Variants in GABPB1 observed in about 807,000 individuals in gnomAD.
GABPB1 encodes the protein GA binding protein transcription factor subunit beta 1, also known as GA-binding protein subunit beta-1.
Under a neutral mutation model 45.9 loss-of-function variants are expected in GABPB1, and 15 were observed. The ratio of observed to expected loss-of-function variants is 0.33; its 90% CI spans 0.22 to 0.50. GABPB1 has a LOEUF of 0.50. GABPB1 is among the 20% of genes least tolerant of loss of function. The pLI, the probability that GABPB1 is intolerant of heterozygous loss-of-function variation, is 0.98. For missense variants in GABPB1, 252 were observed against 457.5 expected, an observed-to-expected ratio of 0.55 and a Z score of 4.10; for synonymous variants, 143 against 154.4, an observed-to-expected ratio of 0.93 and a Z score of 0.55.
At chr15:50,316,084 C>T (rs1274656546) in intron 1 of GABPB1, among the ~76,000 whole-genome samples, 1 of 152,146 alleles carries the variant, frequency 6.6e-6, no homozygotes, top group African/African-American at 2.4e-5. Context: ...AATCCTCAGA[C>T]ATAAAGTGCT....
intron 1 of GABPB1, among the ~76,000 whole-genome samples, chr15:50,314,952 A>AT (rs2047264588): frequency 6.6e-6 from 1 of 152,184 alleles, no homozygotes; most frequent in Non-Finnish European, 1.5e-5. Flanking sequence ...ATTCACAGTG[A>AT]TTTTATGTGC....
intron 1 of GABPB1, among the ~76,000 whole-genome samples, chr15:50,324,305 C>T (rs1020212330): frequency 7.9e-5 from 12 of 152,092 alleles, no homozygotes; most frequent in Non-Finnish European, 1.3e-4. Flanking sequence ...CCACTGTTAA[C>T]GACCTGCATT....
chr15:50,314,191 A>AT (rs34621347), intron 1 of GABPB1, among the ~76,000 whole-genome samples: 28,411 of 148,412 alleles, frequency 0.19, 2,958 homozygotes, highest in Middle Eastern at 0.25. Context: ...TTATTTATTT[A>AT]TTTATTTTTT....
chr15:50,305,583 T>G (rs1189349532), intron 2 of GABPB1, among the ~76,000 whole-genome samples: 2 of 152,290 alleles, frequency 1.3e-5, no homozygotes, highest in East Asian at 3.9e-4. Flanking sequence ...AATCCTTTCT[T>G]TCTCCATGCT....
chr15:50,342,939 C>T (rs1478499948), intron 1 of GABPB1, among the ~76,000 whole-genome samples: 4 of 151,276 alleles, frequency 2.6e-5, no homozygotes, highest in African/African-American at 9.7e-5. Context: ...CTCGCTCTGT[C>T]GCCCAGGCTG....
intron 1 of GABPB1, among the ~76,000 whole-genome samples, chr15:50,315,359 T>TG (rs1191861331): frequency 6.6e-6 from 1 of 152,214 alleles, no homozygotes; most frequent in African/African-American, 2.4e-5. Context: ...CTTGAACTCC[T>TG]GTGCTCAAGC....
chr15:50,287,629 C>G (rs560682006), intron 7 of GABPB1, among the ~76,000 whole-genome samples: 6 of 152,314 alleles, frequency 3.9e-5, no homozygotes, highest in East Asian at 1.9e-4. Flanking sequence ...TGCCCAACAC[C>G]TTGATCTCGC....
Position 50,300,807 on chromosome 15 carries a change from T to G in GABPB1, c.679A>C (p.Asn227His), listed in dbSNP as rs759032843. Reference sequence around the variant, plus strand: ...TTCTAACCTGGAGTTTCTGAAGAATTGGACAATGGAGCAGATGCTTCAGCT... The same window carrying G: ...TTCTAACCTGGAGTTTCTGAAGAATGGGACAATGGAGCAGATGCTTCAGCT... ...ALAEASAPLS[N>H]SSETPVVATE... The change falls in exon 6 of 9, where the codon AAT becomes CAT. Residue 227 changes from asparagine (N) to histidine (H), a missense_variant. By Grantham distance (68) the Asn-to-His change is moderately conservative (BLOSUM62 1). Coordinates refer to ENST00000380877, the MANE Select transcript of GABPB1 (RefSeq NM_016654.5). 6.2e-7 allele frequency: 1 copy of G among 1,608,950 alleles called. No homozygotes were observed. Among genetic ancestry groups the G allele is most frequent in the Non-Finnish European group, 8.5e-7 (1 of 1,175,318 alleles).
At chr15:50,292,194 G>T (rs1186878191) in intron 6 of GABPB1, among the ~76,000 whole-genome samples, 1 of 150,682 alleles carries the variant, frequency 6.6e-6, no homozygotes, top group Non-Finnish European at 1.5e-5. Context: ...GGCGCCTCTA[G>T]TCCCAGCTAC....
At position 50,302,458 on chromosome 15, in the gene GABPB1, C is replaced by T. The variant is rs544974898; in HGVS notation, c.471+471G>A. ...AAGAGTTCAACACCAGCCTGGGCAA[C>T]ATGATGAAACACCATCTCTACTTAA... is the stretch of plus-strand genomic sequence containing the variant. On this transcript the variant is annotated intron_variant, in intron 4 of 8. Coordinates refer to ENST00000380877, the MANE Select transcript of GABPB1 (RefSeq NM_016654.5). 2.0e-5 allele frequency among the ~76,000 whole-genome samples: 3 copies of T among 151,970 alleles called. No homozygotes were observed. The East Asian group carries it at 5.8e-4, about 29-fold the overall frequency.
intron 1 of GABPB1, chr15:50,351,052 G>A (rs558911503): frequency 6.6e-6 from 1 of 152,256 alleles, no homozygotes; most frequent in African/African-American, 2.4e-5. Context: ...CTACCACCTT[G>A]GAAATGAGAA....
intron 1 of GABPB1, among the ~76,000 whole-genome samples, chr15:50,319,360 C>T (rs538848193): frequency 1.4e-4 from 21 of 152,268 alleles, no homozygotes; most frequent in African/African-American, 5.1e-4. Context: ...GAAGTCTGGG[C>T]TTTCAATGTG....
chr15:50,331,442 T>C (rs951065844), intron 1 of GABPB1, among the ~76,000 whole-genome samples: 17 of 152,184 alleles, frequency 1.1e-4, no homozygotes, highest in African/African-American at 4.1e-4. Context: ...TGGCTGACCC[T>C]GGTGATCCAG....
chr15:50,282,560 GAA>G lies in GABPB1; in HGVS notation c.999+3506_999+3507del, dbSNP rs552203074. Among the ~76,000 whole-genome samples, 25 of 88,990 alleles carry G rather than the reference GAA, an allele frequency of 2.8e-4. 2 individuals are homozygous for G. The highest frequency in any genetic ancestry group is 9.2e-4 in the African/African-American group (24 of 26,048). The allele number at this position is 88,990 out of a possible 152,430, so 58.4% of individuals were successfully genotyped here. ...CAAAGTGAGACCCTGCCTTAAAAAA[GAA>G]AAAAAAAAAAAAACAGAGACGGATG... is the stretch of plus-strand genomic sequence containing the variant. On this transcript the variant is annotated intron_variant, in intron 8 of 8. Coordinates refer to ENST00000380877, the MANE Select transcript of GABPB1 (RefSeq NM_016654.5).
At chr15:50,345,780 C>G (rs940804643) in intron 1 of GABPB1, among the ~76,000 whole-genome samples, 5 of 151,602 alleles carry the variant, frequency 3.3e-5, no homozygotes, top group Non-Finnish European at 7.4e-5. Context: ...GGTGCGATCT[C>G]GGCTCACTGC....
chr15:50,343,339 T>A (rs2048451504), intron 1 of GABPB1, among the ~76,000 whole-genome samples: 1 of 152,150 alleles, frequency 6.6e-6, no homozygotes, highest in Non-Finnish European at 1.5e-5. Flanking sequence ...TCCCCCTTAG[T>A]CACTGTGCTC....
chr15:50,342,938 T>C (rs1248717754), intron 1 of GABPB1, among the ~76,000 whole-genome samples: 1 of 151,576 alleles, frequency 6.6e-6, no homozygotes, highest in East Asian at 1.9e-4. Context: ...TCTCGCTCTG[T>C]CGCCCAGGCT....
intron 1 of GABPB1, among the ~76,000 whole-genome samples, chr15:50,333,710 TCTG>T (rs1349008920): frequency 2.0e-5 from 3 of 152,194 alleles, no homozygotes; most frequent in African/African-American, 7.2e-5. Flanking sequence ...CATTTCACTG[TCTG>T]CTGATTTCCA....
At chr15:50,343,604 T>C (rs577512350) in intron 1 of GABPB1, among the ~76,000 whole-genome samples, 2 of 152,094 alleles carry the variant, frequency 1.3e-5, no homozygotes, top group East Asian at 1.9e-4. Flanking sequence ...AGTGGTGCCA[T>C]CTCGGCTCAC....
Sources: gnomAD v4.1 joint callset for allele counts (sites outside exome capture counted in the v4.1 genomes callset) on GRCh38, gnomAD v4.1.1 for gene constraint, MANE v1.5 for transcripts, NCBI Gene and HGNC (gene_info 2026-07-23, HGNC 2026-07-21) for gene names.